The following TRIM33 variants were observed in gnomAD, a reference collection of about 807,000 sequenced individuals.
TRIM33 encodes the protein tripartite motif containing 33.
In TRIM33, 20 loss-of-function variants were observed where a neutral mutation model predicts 125.4. That is an observed-to-expected ratio of 0.16 (90% CI 0.11 to 0.23). The LOEUF (loss-of-function observed/expected upper bound fraction) is 0.23. Ranked by LOEUF, TRIM33 falls within the 10% of genes least tolerant of loss-of-function variation. The pLI, the probability that TRIM33 is intolerant of heterozygous loss-of-function variation, is 1.00. For synonymous variants in TRIM33, 564 were observed against 513.9 expected, an observed-to-expected ratio of 1.10 and a Z score of -1.32; for missense variants, 920 against 1,411.4, an observed-to-expected ratio of 0.65 and a Z score of 5.58.
At chr1:114,501,464 A>C (rs1652712609) in intron 1 of TRIM33, among the ~76,000 whole-genome samples, 1 of 152,224 alleles carries the variant, frequency 6.6e-6, no homozygotes, top group African/African-American at 2.4e-5. Flanking sequence ...TTTTTCACCC[A>C]GAACAAGGGA....
chr1:114,413,589 AGACTTTTTCT>A (rs1652733190), intron 11 of TRIM33, among the ~76,000 whole-genome samples: 5 of 131,864 alleles, frequency 3.8e-5, no homozygotes, highest in African/African-American at 1.7e-4. Flanking sequence ...GAAAAGAAAA[AGACTTTTTCT>A]GAAAAGAAAA....
At chr1:114,477,181 C>A (rs1188178148) in intron 1 of TRIM33, among the ~76,000 whole-genome samples, 1 of 151,970 alleles carries the variant, frequency 6.6e-6, no homozygotes, top group Admixed American at 6.6e-5. Context: ...ATCAAAACAA[C>A]TGAAGAAGAA....
intron 2 of TRIM33, among the ~76,000 whole-genome samples, chr1:114,463,817 G>A (rs535440700): frequency 1.4e-5 from 2 of 142,996 alleles, no homozygotes; most frequent in East Asian, 4.0e-4. Context: ...CACCCAGGCT[G>A]GACAGCAGTA....
chr1:114,448,093 T>C (rs909867810), intron 4 of TRIM33, among the ~76,000 whole-genome samples: 2 of 152,100 alleles, frequency 1.3e-5, no homozygotes, highest in Non-Finnish European at 2.9e-5. Flanking sequence ...TACTGAAATA[T>C]AGGAATAATT....
chr1:114,399,453 A>G lies in TRIM33; in HGVS notation c.3120+4T>C. 1 of 1,612,546 alleles carries G rather than the reference A, an allele frequency of 6.2e-7. No homozygotes were observed. Among genetic ancestry groups the G allele is most frequent in the Non-Finnish European group, 8.5e-7 (1 of 1,179,044 alleles). On this transcript the variant is annotated splice_donor_region_variant and intron_variant, in intron 18 of 19. Transcript: ENST00000358465. ...AAGACTCTATAGGTTGGAAGTTAAC[A>G]TACTTCATTAAACCTTTCACAGTTC...
chr1:114,402,334 T>C (rs1016015527), intron 16 of TRIM33, among the ~76,000 whole-genome samples: 1 of 152,182 alleles, frequency 6.6e-6, no homozygotes, highest in Non-Finnish European at 1.5e-5. Flanking sequence ...ATCACTACAA[T>C]AGTCCAGATG....
chr1:114,396,622 CA>C lies in TRIM33; in HGVS notation c.*1025del. The C allele has an allele frequency of 5.0e-6, 1 of 200,106 alleles. No individual in the cohort carries two copies. Among genetic ancestry groups the C allele is most frequent in the East Asian group, 7.7e-5 (1 of 12,914 alleles). The allele number at this position is 200,106 out of a possible 1,614,324, so 12.4% of individuals were successfully genotyped here. A position where few individuals can be genotyped will look rare whatever the true frequency, so the allele number is the denominator to read the frequency against. ...TAAGAATACACATTAGCTTAAAAAA[CA>C]GGCTCAGCAAATGTTGCTGATCTGC... On this transcript the variant is annotated 3_prime_UTR_variant, in exon 20 of 20. Coordinates refer to ENST00000358465, the MANE Select transcript of TRIM33 (RefSeq NM_015906.4).
chr1:114,402,260 C>T (rs1651943216), intron 16 of TRIM33, among the ~76,000 whole-genome samples: 1 of 152,092 alleles, frequency 6.6e-6, no homozygotes, highest in Non-Finnish European at 1.5e-5. Flanking sequence ...TTAAAAAGAA[C>T]ACTGTTTAAT....
rs77656400 is a variant in TRIM33, at chr1:114,501,665, T to A, written c.526+8886A>T. On this transcript the variant is annotated intron_variant, in intron 1 of 19. Coordinates refer to ENST00000358465, the MANE Select transcript of TRIM33 (RefSeq NM_015906.4). ...AGAGGCTGGCTACCACACCAAGCCA[T>A]AGGCTCAGAATAAATCTTCAACCTA... Among the ~76,000 whole-genome samples the A allele has an allele frequency of 9.8e-3, 1,490 of 152,270 alleles. 24 individuals carry two copies. The highest frequency in any genetic ancestry group is 0.034 in the African/African-American group (1,408 of 41,558).
At chr1:114,454,784 T>A (rs544960137) in intron 4 of TRIM33, among the ~76,000 whole-genome samples, 2 of 152,078 alleles carry the variant, frequency 1.3e-5, no homozygotes, top group South Asian at 4.2e-4. Context: ...TGGGCCAAGC[T>A]CAGACTTCAG....
At chr1:114,468,024 A>C (rs1167851694) in intron 1 of TRIM33, among the ~76,000 whole-genome samples, 7 of 152,228 alleles carry the variant, frequency 4.6e-5, no homozygotes, top group Non-Finnish European at 2.9e-5. Flanking sequence ...AAGTGTTGAA[A>C]GACTGGAATG....
At chr1:114,426,254 A>C (rs1647565512) in intron 8 of TRIM33, among the ~76,000 whole-genome samples, 1 of 152,120 alleles carries the variant, frequency 6.6e-6, no homozygotes, top group South Asian at 2.1e-4. Flanking sequence ...TAGAAGCCAA[A>C]TTTTAGGAAG....
intron 4 of TRIM33, among the ~76,000 whole-genome samples, chr1:114,443,334 A>G (rs1439917487): frequency 6.6e-6 from 1 of 152,182 alleles, no homozygotes; most frequent in Non-Finnish European, 1.5e-5. Flanking sequence ...CAGTGAGCCG[A>G]GACCATGCCA....
chr1:114,495,915 T>C (rs1380309320), intron 1 of TRIM33, among the ~76,000 whole-genome samples: 2 of 152,250 alleles, frequency 1.3e-5, no homozygotes, highest in Non-Finnish European at 2.9e-5. Flanking sequence ...AAATGTATTA[T>C]ACTGTTCTTT....
At chr1:114,507,005 C>A (rs1385264698) in intron 1 of TRIM33, among the ~76,000 whole-genome samples, 1 of 152,174 alleles carries the variant, frequency 6.6e-6, no homozygotes, top group Non-Finnish European at 1.5e-5. Context: ...CTTATTTACA[C>A]AAAACTTATT....
chr1:114,428,738 C>G (rs1647747382), intron 6 of TRIM33, among the ~76,000 whole-genome samples: 1 of 152,138 alleles, frequency 6.6e-6, no homozygotes, highest in Non-Finnish European at 1.5e-5. Context: ...CTTAGAAAAA[C>G]GTTTCTTCTA....
At chr1:114,410,401 A>G in intron 11 of TRIM33, 85 bp from the exon 12 acceptor site, 1 of 1,348,826 alleles carries the variant, frequency 7.4e-7, no homozygotes, top group South Asian at 1.4e-5. Flanking sequence ...TACTCAGTTT[A>G]TTAATAAACT....
chr1:114,498,792 T>C (rs1005648644), intron 1 of TRIM33, among the ~76,000 whole-genome samples: 5 of 152,008 alleles, frequency 3.3e-5, no homozygotes, highest in Non-Finnish European at 5.9e-5. Context: ...AACATCCAAA[T>C]AGTAATAGTT....
intron 1 of TRIM33, among the ~76,000 whole-genome samples, chr1:114,474,480 A>C (rs1323775511): frequency 6.7e-6 from 1 of 150,134 alleles, no homozygotes; most frequent in East Asian, 2.0e-4. Flanking sequence ...AGGCTGAAGC[A>C]GGAGGACTGC....
Sources: gnomAD v4.1 joint callset for allele counts (sites outside exome capture counted in the v4.1 genomes callset) on GRCh38, gnomAD v4.1.1 for gene constraint, MANE v1.5 for transcripts, NCBI Gene and HGNC (gene_info 2026-07-23, HGNC 2026-07-21) for gene names.